BNC2: variants seen among roughly 807,000 people sequenced by gnomAD.
BNC2 encodes the protein basonuclin zinc finger protein 2, also known as zinc finger protein basonuclin-2.
A neutral mutation model predicts 76.3 loss-of-function variants in BNC2; 20 were observed. The observed-to-expected ratio is 0.26, with a 90% confidence interval of 0.18 to 0.38. The LOEUF (loss-of-function observed/expected upper bound fraction) is 0.38, where lower values mean the gene tolerates loss of function less well. Ranked by LOEUF, BNC2 falls within the 10% of genes least tolerant of loss-of-function variation. The pLI, the probability that BNC2 is intolerant of heterozygous loss-of-function variation, is 1.00. For synonymous variants in BNC2, 582 were observed against 514.8 expected, an observed-to-expected ratio of 1.13 and a Z score of -1.77; for missense variants, 1,382 against 1,399.8, an observed-to-expected ratio of 0.99 and a Z score of 0.20.
At chr9:16,437,575 T>C (rs773815016) in intron 5 of BNC2, 51 bp from the exon 6 acceptor site, 82 of 1,587,392 alleles carry the variant, frequency 5.2e-5, no homozygotes, top group East Asian at 2.7e-4. Context: ...AACTTATTGA[T>C]TGTGCATAAT....
chr9:16,542,741 C>A (rs1485817493), intron 5 of BNC2, among the ~76,000 whole-genome samples: 2 of 152,236 alleles, frequency 1.3e-5, no homozygotes, highest in East Asian at 3.8e-4. Flanking sequence ...TTGTTTTACA[C>A]TTCCGTCAGC....
intron 3 of BNC2, among the ~76,000 whole-genome samples, chr9:16,602,448 G>A (rs1253745802): frequency 6.6e-6 from 1 of 152,128 alleles, no homozygotes; most frequent in Non-Finnish European, 1.5e-5. Flanking sequence ...TTTTTCCCAA[G>A]CCAGATGACA....
chr9:16,420,463 A>T (rs889360644), intron 6 of BNC2, among the ~76,000 whole-genome samples: 6 of 152,238 alleles, frequency 3.9e-5, no homozygotes, highest in Admixed American at 2.6e-4. Context: ...GAAACTTTTT[A>T]AAAAAATAAA....
At chr9:16,792,495 G>A (rs1281634758) in intron 1 of BNC2, among the ~76,000 whole-genome samples, 1 of 152,160 alleles carries the variant, frequency 6.6e-6, no homozygotes, top group Non-Finnish European at 1.5e-5. Flanking sequence ...TAGTTCTGCT[G>A]GGAAATTTTC....
At chr9:16,706,757 G>A (rs1823686288) in intron 3 of BNC2, among the ~76,000 whole-genome samples, 2 of 152,006 alleles carry the variant, frequency 1.3e-5, no homozygotes, top group South Asian at 4.1e-4. Context: ...TGAGAGGACA[G>A]CAATTAATTT....
intron 3 of BNC2, among the ~76,000 whole-genome samples, chr9:16,624,303 C>T (rs775641265): frequency 1.2e-4 from 18 of 152,226 alleles, no homozygotes; most frequent in Admixed American, 4.6e-4. Context: ...CCAAACTACC[C>T]GATTATACCA....
intron 6 of BNC2, among the ~76,000 whole-genome samples, chr9:16,434,340 T>C (rs2130826468): frequency 6.6e-6 from 1 of 152,134 alleles, no homozygotes; most frequent in Middle Eastern, 3.4e-3. Context: ...TTAATGTTAC[T>C]TTGCCAAAGA....
intron 3 of BNC2, among the ~76,000 whole-genome samples, chr9:16,695,772 CT>C (rs1823320243): frequency 6.6e-6 from 1 of 152,136 alleles, no homozygotes; most frequent in African/African-American, 2.4e-5. Flanking sequence ...TCCCAAATCC[CT>C]AATCCTTACC....
chr9:16,730,482 A>G (rs1480922778), intron 2 of BNC2, among the ~76,000 whole-genome samples: 2 of 152,210 alleles, frequency 1.3e-5, no homozygotes, highest in African/African-American at 2.4e-5. Flanking sequence ...CCGTAACTAA[A>G]TGTGACAGAC....
At chr9:16,635,403 A>C (rs1386417547) in intron 3 of BNC2, among the ~76,000 whole-genome samples, 1 of 152,162 alleles carries the variant, frequency 6.6e-6, no homozygotes, top group Non-Finnish European at 1.5e-5. Context: ...TGTCAGATAA[A>C]ATTTGTTAGT....
chr9:16,526,425 G>A (rs970655635), intron 5 of BNC2, among the ~76,000 whole-genome samples: 10 of 139,736 alleles, frequency 7.2e-5, no homozygotes, highest in Non-Finnish European at 1.5e-4. Context: ...AACATAATGT[G>A]TGTCCACCAA....
intron 5 of BNC2, among the ~76,000 whole-genome samples, chr9:16,468,023 C>T (rs1821730698): frequency 6.7e-6 from 1 of 150,184 alleles, no homozygotes; most frequent in African/African-American, 2.5e-5. Context: ...AACTCCTAAT[C>T]TCATTTCTTT....
chr9:16,742,728 T>C (rs1328412549), intron 1 of BNC2, among the ~76,000 whole-genome samples: 1 of 152,170 alleles, frequency 6.6e-6, no homozygotes, highest in Non-Finnish European at 1.5e-5. Context: ...AAATACTTTA[T>C]AAACAGGTCT....
chr9:16,782,123 A>G (rs1405327738), intron 1 of BNC2, among the ~76,000 whole-genome samples: 1 of 151,922 alleles, frequency 6.6e-6, no homozygotes, highest in East Asian at 1.9e-4. Context: ...CATCTCTACT[A>G]AAAATACAAA....
intron 1 of BNC2, among the ~76,000 whole-genome samples, 199 bp downstream of exon 1, chr9:16,870,447 G>A (rs1214408414): frequency 6.6e-6 from 1 of 151,942 alleles, no homozygotes; most frequent in Non-Finnish European, 1.5e-5. Flanking sequence ...AAGTTTAGGG[G>A]AGGCCACTGG....
At chr9:16,796,570 T>TG (rs1817655670) in intron 1 of BNC2, among the ~76,000 whole-genome samples, 1 of 34,540 alleles carries the variant, frequency 2.9e-5, no homozygotes, top group African/African-American at 7.7e-5. Context: ...AGACTCCGTC[T>TG]CAAAAAAAAA....
chr9:16,784,634 G>A (rs1426467854), intron 1 of BNC2, among the ~76,000 whole-genome samples: 1 of 152,202 alleles, frequency 6.6e-6, no homozygotes, highest in Non-Finnish European at 1.5e-5. Flanking sequence ...AAGTTTTGGG[G>A]CTGAGCACTG....
intron 5 of BNC2, among the ~76,000 whole-genome samples, chr9:16,551,479 G>A (rs913816703): frequency 4.6e-5 from 7 of 152,282 alleles, no homozygotes; most frequent in African/African-American, 1.7e-4. Flanking sequence ...AGTAGCTCAG[G>A]GAATAAACAG....
intron 1 of BNC2, among the ~76,000 whole-genome samples, chr9:16,754,371 C>T (rs1477552907): frequency 1.3e-5 from 2 of 152,134 alleles, no homozygotes; most frequent in African/African-American, 4.8e-5. Flanking sequence ...GTACATGAGT[C>T]TGATTCAGAA....
Sources: gnomAD v4.1 joint callset for allele counts (sites outside exome capture counted in the v4.1 genomes callset) on GRCh38, gnomAD v4.1.1 for gene constraint, MANE v1.5 for transcripts, NCBI Gene and HGNC (gene_info 2026-07-23, HGNC 2026-07-21) for gene names.